The following CAMTA1 variants were observed in gnomAD, a reference collection of about 807,000 sequenced individuals.
The protein encoded by CAMTA1 is calmodulin binding transcription activator 1.
In CAMTA1, 27 loss-of-function variants were observed where a neutral mutation model predicts 170.9. The observed-to-expected ratio is 0.16, with a 90% confidence interval of 0.12 to 0.22. CAMTA1 has a LOEUF of 0.22. Ranked by LOEUF, CAMTA1 falls within the 10% of genes least tolerant of loss-of-function variation. The pLI is 1.00. For missense variants in CAMTA1, 1,619 were observed against 2,217.2 expected, an observed-to-expected ratio of 0.73 and a Z score of 5.42; for synonymous variants, 833 against 891.5, an observed-to-expected ratio of 0.93 and a Z score of 1.17.
rs544822288 is a variant in CAMTA1, at chr1:7,041,883, T to C, written c.235-49421T>C. The stretch of plus-strand genomic sequence containing the variant: ...GGATTTGACTGAAGCCTCCACACTA[T>C]GGACAGACCAAGTGGTGGCAATAAT... On this transcript the variant is annotated intron_variant, in intron 3 of 22. Coordinates refer to ENST00000303635, the MANE Select transcript of CAMTA1 (RefSeq NM_015215.4). The surrounding 1 kb of genome is among the most constrained non-coding windows in gnomAD (Gnocchi z 5.1). Among the ~76,000 whole-genome samples the C allele has an allele frequency of 1.8e-4, 28 of 152,324 alleles. No homozygotes were observed. Among genetic ancestry groups the C allele is most frequent in the African/African-American group, 6.7e-4 (28 of 41,580 alleles).
At chr1:7,183,620 C>T (rs1225618657) in intron 4 of CAMTA1, among the ~76,000 whole-genome samples, 4 of 152,138 alleles carry the variant, frequency 2.6e-5, no homozygotes, top group Non-Finnish European at 2.9e-5. Context: ...TAGTACATGG[C>T]ACAGTGGATA....
At chr1:7,765,899 C>T (rs1039757227) in intron 22 of CAMTA1, among the ~76,000 whole-genome samples, 11 of 151,820 alleles carry the variant, frequency 7.2e-5, no homozygotes, top group East Asian at 5.8e-4. Context: ...TGGTGGCGGG[C>T]GCCTGTAGTC....
intron 3 of CAMTA1, among the ~76,000 whole-genome samples, chr1:7,000,765 A>G (rs1257995437): frequency 6.6e-6 from 1 of 152,022 alleles, no homozygotes; most frequent in Non-Finnish European, 1.5e-5. Context: ...TTTTTGTCTA[A>G]TGAGCTTCTG....
intron 11 of CAMTA1, among the ~76,000 whole-genome samples, chr1:7,687,035 T>C (rs755473768): frequency 2.6e-5 from 4 of 151,888 alleles, no homozygotes; most frequent in Non-Finnish European, 5.9e-5. Flanking sequence ...GGGTTCACAT[T>C]GCGGTCTGAA....
In CAMTA1 at chr1:6,798,688, C is replaced by T. The variant is rs375826842; in HGVS notation, c.45+13113C>T. On this transcript the variant is annotated intron_variant, in intron 1 of 22. Coordinates refer to ENST00000303635, the MANE Select transcript of CAMTA1 (RefSeq NM_015215.4). ...CTCGGCTCACTGCAAGCTCCGCTTC[C>T]CGGGTTCACGCCATTCTCCTGCCTC... is the stretch of plus-strand genomic sequence containing the variant. Among the ~76,000 whole-genome samples the T allele has an allele frequency of 1.1e-4, 15 of 134,442 alleles. 1 individual carries two copies. The highest frequency in any genetic ancestry group is 4.3e-4 in the African/African-American group (15 of 35,008). 88.2% of individuals were successfully genotyped at this position (134,442 alleles called of 152,430 possible).
At chr1:6,962,530 T>G (rs2149528541) in intron 3 of CAMTA1, among the ~76,000 whole-genome samples, 1 of 149,876 alleles carries the variant, frequency 6.7e-6, no homozygotes, top group Non-Finnish European at 1.5e-5. Flanking sequence ...CCTGCCCTCG[T>G]CTGGTCCCAT....
intron 6 of CAMTA1, among the ~76,000 whole-genome samples, chr1:7,542,259 T>TTTGTTGTTGTTG (rs150672228): frequency 6.6e-6 from 1 of 151,664 alleles, no homozygotes; most frequent in Non-Finnish European, 1.5e-5. Context: ...TTCCTGCCAG[T>TTTGTTGTTGTTG]TTGTTGTTGT....
At chr1:7,623,910 T>C (rs1317420204) in intron 6 of CAMTA1, among the ~76,000 whole-genome samples, 2 of 152,240 alleles carry the variant, frequency 1.3e-5, no homozygotes, top group Non-Finnish European at 2.9e-5. Context: ...AACAGCTCCA[T>C]AGCAACAGTG....
intron 5 of CAMTA1, among the ~76,000 whole-genome samples, chr1:7,319,356 G>A (rs746680841): frequency 1.3e-5 from 2 of 152,086 alleles, no homozygotes; most frequent in African/African-American, 4.8e-5. Context: ...TGCTATTTTC[G>A]TGATAGTGAG....
Position 7,640,490 on chromosome 1 carries a change from A to G in CAMTA1, c.601A>G (p.Thr201Ala). 3 of 1,614,096 alleles carry G rather than the reference A, an allele frequency of 1.9e-6. No individual in the cohort carries two copies. The highest frequency in any genetic ancestry group is 1.7e-6 in the Non-Finnish European group (2 of 1,180,010). Reference protein sequence around the residue: ...PCGPILCSINTDKKEWAKWTK... With the variant: ...PCGPILCSINADKKEWAKWTK... ...CGGCCCCATCCTCTGCTCCATCAACACCGACAAGAAGGAGTGGGCGAAATG... is the reference window on the plus strand; with the variant it reads ...CGGCCCCATCCTCTGCTCCATCAACGCCGACAAGAAGGAGTGGGCGAAATG... The change falls in exon 7 of 23, where the codon ACC becomes GCC. Residue 201 changes from threonine to alanine, a missense_variant. Physicochemically the swap from Thr to Ala is moderately conservative, Grantham distance 58. Transcript: ENST00000303635.
intron 5 of CAMTA1, among the ~76,000 whole-genome samples, chr1:7,284,183 A>C (rs71637374): frequency 0.29 from 24,708 of 86,570 alleles, 2,514 homozygotes; most frequent in East Asian, 0.4. Flanking sequence ...TCTTCTTATT[A>C]TTATTATTAT....
At chr1:7,480,514 A>T (rs2093512486) in intron 6 of CAMTA1, among the ~76,000 whole-genome samples, 1 of 151,648 alleles carries the variant, frequency 6.6e-6, no homozygotes, top group Non-Finnish European at 1.5e-5. Flanking sequence ...CCAGGCCCCG[A>T]TGAGGCTCTT....
intron 6 of CAMTA1, among the ~76,000 whole-genome samples, chr1:7,501,640 G>A (rs1174277314): frequency 6.6e-6 from 1 of 151,152 alleles, no homozygotes; most frequent in East Asian, 1.9e-4. Context: ...TTTTAGTCTA[G>A]GTATGTCCCA....
intron 1 of CAMTA1, among the ~76,000 whole-genome samples, chr1:6,786,170 G>T (rs1001118706): frequency 1.3e-5 from 2 of 151,930 alleles, no homozygotes; most frequent in African/African-American, 2.4e-5. Flanking sequence ...GCGGGCGGGG[G>T]GTCCCCGAGC....
chr1:7,162,932 T>C (rs1489008451), intron 4 of CAMTA1, among the ~76,000 whole-genome samples: 3 of 152,106 alleles, frequency 2.0e-5, no homozygotes, highest in Non-Finnish European at 4.4e-5. Context: ...ACCAGAGGTT[T>C]AGTTTTGAAC....
chr1:7,056,760 G>T (rs1356268113), intron 3 of CAMTA1, among the ~76,000 whole-genome samples: 1 of 152,114 alleles, frequency 6.6e-6, no homozygotes, highest in African/African-American at 2.4e-5. Flanking sequence ...TTGGGAGATG[G>T]GGCCTGCACT....
chr1:6,981,218 A>C (rs762676761), intron 3 of CAMTA1, among the ~76,000 whole-genome samples: 1 of 152,168 alleles, frequency 6.6e-6, no homozygotes, highest in Non-Finnish European at 1.5e-5. Flanking sequence ...AAGACATTGG[A>C]TTCCTGGAAC....
chr1:7,453,203 G>A (rs3986572), intron 5 of CAMTA1, among the ~76,000 whole-genome samples: 18,729 of 152,224 alleles, frequency 0.12, 1,279 homozygotes, highest in East Asian at 0.16. Flanking sequence ...GTGTCCAGCG[G>A]CAGCCTGGGT....
chr1:6,986,517 C>T (rs1695388505), intron 3 of CAMTA1, among the ~76,000 whole-genome samples: 2 of 152,100 alleles, frequency 1.3e-5, no homozygotes, highest in African/African-American at 4.8e-5. Context: ...ATGCCAGTGC[C>T]CGCCCTGGAG....
Sources: gnomAD v4.1 joint callset for allele counts (sites outside exome capture counted in the v4.1 genomes callset) on GRCh38, gnomAD v4.1.1 for gene constraint, Gnocchi (gnomAD v3.1) non-coding constraint, MANE v1.5 for transcripts, NCBI Gene and HGNC (gene_info 2026-07-23, HGNC 2026-07-21) for gene names.